DNAH8: variants seen among roughly 807,000 people sequenced by gnomAD.
DNAH8 encodes the protein dynein axonemal heavy chain 8, also known as axonemal beta dynein heavy chain 8.
DNAH8 carries 382 observed loss-of-function variants against 562.1 expected under a neutral mutation model. The observed-to-expected ratio is 0.68, with a 90% CI of 0.63 to 0.74. The LOEUF is 0.74. DNAH8 is among the 30% of genes least tolerant of loss of function. DNAH8 has a pLI of 0.00. For missense variants in DNAH8, 5,203 were observed against 5,620.4 expected, an observed-to-expected ratio of 0.93 and a Z score of 2.37; for synonymous variants, 1,881 against 1,919.4, an observed-to-expected ratio of 0.98 and a Z score of 0.52.
At chr6:38,875,917 TAA>T in intron 53 of DNAH8, 89 bp downstream of exon 53, 1 of 796,822 alleles carries the variant, frequency 1.3e-6, no homozygotes, top group Non-Finnish European at 2.0e-6. Context: ...GAGAGAATAT[TAA>T]AACAATTATG....
At position 38,899,656 on chromosome 6, in the gene DNAH8, A is replaced by G. The variant is rs115747472; in HGVS notation, c.9064-120A>G. 1.8e-3 allele frequency: 1,876 copies of G among 1,067,714 alleles called. 26 individuals carry two copies. The African/African-American group carries it at 0.025, about 14-fold the overall frequency. 66.1% of individuals were successfully genotyped at this position (1,067,714 alleles called of 1,614,324 possible). On this transcript the variant is annotated intron_variant, in intron 61 of 92. Transcript: ENST00000327475. Reference sequence around the variant, plus strand: ...TTAAAAATTCTGTCATAGACCATTAACGAGGAAAAAGTCTAATATCATCTA... The same window carrying G: ...TTAAAAATTCTGTCATAGACCATTAGCGAGGAAAAAGTCTAATATCATCTA...
At chr6:38,745,696 G>A (rs182667015) in intron 8 of DNAH8, among the ~76,000 whole-genome samples, 1 of 152,302 alleles carries the variant, frequency 6.6e-6, no homozygotes, top group East Asian at 1.9e-4. Flanking sequence ...TGACTGTCAT[G>A]TCTCTTTAGC....
intron 4 of DNAH8, 101 bp from the exon 5 acceptor site, chr6:38,734,373 C>A: frequency 6.4e-6 from 8 of 1,256,542 alleles, no homozygotes; most frequent in East Asian, 5.5e-5. Flanking sequence ...AAACTTCTTA[C>A]AATAAAGTAA....
At chr6:38,780,978 T>C (rs1201052628) in intron 15 of DNAH8, among the ~76,000 whole-genome samples, 1 of 152,178 alleles carries the variant, frequency 6.6e-6, no homozygotes, top group Non-Finnish European at 1.5e-5. Context: ...TGTAGCTATG[T>C]GCTCCGTTTG....
At chr6:38,895,800 AG>A (rs1779636571) in intron 59 of DNAH8, among the ~76,000 whole-genome samples, 2 of 152,302 alleles carry the variant, frequency 1.3e-5, no homozygotes, top group Admixed American at 1.3e-4. Context: ...CGCAAGTTTT[AG>A]GGACCTTTGA....
intron 88 of DNAH8, among the ~76,000 whole-genome samples, chr6:38,996,595 C>T (rs751509520): frequency 1.3e-5 from 2 of 152,162 alleles, no homozygotes; most frequent in African/African-American, 2.4e-5. Flanking sequence ...ATCGACACCT[C>T]GGGTACCCTG....
At chr6:39,019,843 T>C (rs1045148936) in intron 91 of DNAH8, among the ~76,000 whole-genome samples, 2 of 152,102 alleles carry the variant, frequency 1.3e-5, no homozygotes, top group Non-Finnish European at 2.9e-5. Flanking sequence ...GAGGGACATG[T>C]GGCCAGAGGC....
chr6:38,991,000 G>A (rs183073250), intron 88 of DNAH8, among the ~76,000 whole-genome samples: 16 of 152,370 alleles, frequency 1.1e-4, no homozygotes, highest in African/African-American at 3.8e-4. Flanking sequence ...AGTTGAGAAT[G>A]CCCTAAGAGT....
At chr6:38,734,421 C>T in intron 4 of DNAH8, 53 bp from the exon 5 acceptor site, 2 of 1,537,242 alleles carry the variant, frequency 1.3e-6, no homozygotes, top group South Asian at 1.1e-5. Context: ...AGTAACTTAT[C>T]TCATTTGATT....
Position 38,884,001 on chromosome 6 carries a change from A to G in DNAH8, c.8259+3A>G, listed in dbSNP as rs778675329. The G allele has an allele frequency of 6.5e-7, 1 of 1,535,172 alleles. No individual in the cohort carries two copies. Among genetic ancestry groups the G allele is most frequent in the East Asian group, 2.4e-5 (1 of 41,564 alleles). On this transcript the variant is annotated splice_donor_region_variant and intron_variant, in intron 56 of 92. Transcript: ENST00000327475. ...TGATTAATGAGTGGGGAGATCAGGT[A>G]TGGCTGAAATATCTCATATAGATGA...
intron 76 of DNAH8, among the ~76,000 whole-genome samples, chr6:38,934,181 C>T (rs1782769324): frequency 1.3e-5 from 2 of 151,514 alleles, no homozygotes; most frequent in African/African-American, 4.9e-5. Flanking sequence ...GGTGAAACCC[C>T]GTCTCTACTA....
intron 40 of DNAH8, 90 bp downstream of exon 40, chr6:38,852,888 A>C (rs1775873450): frequency 2.0e-6 from 2 of 987,870 alleles, no homozygotes; most frequent in Admixed American, 2.2e-5. Context: ...AAAAAACAGG[A>C]GGAGAGGGAG....
intron 87 of DNAH8, among the ~76,000 whole-genome samples, chr6:38,986,035 C>G (rs1215710361): frequency 6.6e-6 from 1 of 152,194 alleles, no homozygotes; most frequent in East Asian, 1.9e-4. Context: ...CATACTATTG[C>G]TCACCCTTGT....
At chr6:38,751,373 C>G (rs185028179) in intron 9 of DNAH8, among the ~76,000 whole-genome samples, 239 of 152,274 alleles carry the variant, frequency 1.6e-3, no homozygotes, top group African/African-American at 5.6e-3. Context: ...CTGTTGTATT[C>G]TATTGGCTAG....
At chr6:38,852,840 A>G (rs528891631) in intron 40 of DNAH8, 42 bp downstream of exon 40, 2 of 1,485,772 alleles carry the variant, frequency 1.3e-6, no homozygotes, top group Non-Finnish European at 9.4e-7. Context: ...GAATTTCTTT[A>G]AAAACTTAGG....
At chr6:38,753,814 T>TTTG (rs1433008254) in intron 9 of DNAH8, among the ~76,000 whole-genome samples, 1 of 152,180 alleles carries the variant, frequency 6.6e-6, no homozygotes, top group African/African-American at 2.4e-5. Context: ...TTATTGTTAT[T>TTTG]TTGTTGTTGT....
intron 57 of DNAH8, among the ~76,000 whole-genome samples, chr6:38,889,556 A>G (rs1779193253): frequency 6.6e-6 from 1 of 152,206 alleles, no homozygotes; most frequent in African/African-American, 2.4e-5. Flanking sequence ...TGACTGACAC[A>G]TTTAAACAAA....
intron 4 of DNAH8, among the ~76,000 whole-genome samples, chr6:38,731,907 G>C (rs1217519762): frequency 2.0e-5 from 3 of 152,118 alleles, no homozygotes; most frequent in Non-Finnish European, 4.4e-5. Flanking sequence ...GTAGAGACAG[G>C]GTTTCACCAT....
chr6:38,826,481 T>C lies in DNAH8; in HGVS notation c.4083+90T>C, dbSNP rs950718121. 47 of 815,978 alleles carry C rather than the reference T, an allele frequency of 5.8e-5. No homozygotes were observed. In the Middle Eastern group the frequency reaches 1.3e-3, roughly 22 times the overall value. 50.5% of individuals were successfully genotyped at this position (815,978 alleles called of 1,614,324 possible). On this transcript the variant is annotated intron_variant, in intron 29 of 92. Transcript: ENST00000327475. ...ACTAAGAAAGTGATTCTTTAACATA[T>C]TCATCTATTATGTAGCACAGTCTGC...
Sources: gnomAD v4.1 joint callset for allele counts (sites outside exome capture counted in the v4.1 genomes callset) on GRCh38, gnomAD v4.1.1 for gene constraint, MANE v1.5 for transcripts, NCBI Gene and HGNC (gene_info 2026-07-23, HGNC 2026-07-21) for gene names.